Variants in MAMLD1 observed in about 807,000 individuals in gnomAD.
MAMLD1 encodes mastermind-like domain-containing protein 1.
In MAMLD1, 14 loss-of-function variants were observed where a neutral mutation model predicts 45.0. The observed-to-expected ratio is 0.31, with a 90% CI of 0.21 to 0.49. The LOEUF is 0.49. MAMLD1 is among the 20% of genes least tolerant of loss of function. The pLI, the probability that MAMLD1 is intolerant of heterozygous loss-of-function variation, is 0.99. For missense variants in MAMLD1, 543 were observed against 603.6 expected, an observed-to-expected ratio of 0.90 and a Z score of 1.05; for synonymous variants, 254 against 247.8, an observed-to-expected ratio of 1.02 and a Z score of -0.24.
chrX:150,505,027 C>G (rs1819641471), intron 6 of MAMLD1: 1 of 751,036 alleles, frequency 1.3e-6, no homozygotes, highest in Non-Finnish European at 1.6e-6. Flanking sequence ...CCAGACCGGC[C>G]AAGACTGAGG....
intron 5 of MAMLD1, among the ~76,000 whole-genome samples, chrX:150,494,815 T>A (rs1364694467): frequency 9.1e-6 from 1 of 109,888 alleles, no homozygotes; most frequent in Non-Finnish European, 1.9e-5. Flanking sequence ...GCCAGGGAGG[T>A]GGAGGTTTCA....
intron 1 of MAMLD1, among the ~76,000 whole-genome samples, chrX:150,392,719 C>T (rs1557402198): frequency 9.1e-6 from 1 of 110,492 alleles, no homozygotes; most frequent in East Asian, 2.8e-4. Context: ...GTTATTTAGG[C>T]CACCTTTTCC....
At chrX:150,367,627 T>C (rs1557400810) in intron 1 of MAMLD1, among the ~76,000 whole-genome samples, 1 of 111,945 alleles carries the variant, frequency 8.9e-6, no homozygotes, top group African/African-American at 3.3e-5. Context: ...GTTACATATG[T>C]ATACATGTGC....
chrX:150,492,418 G>T (rs1305061527), intron 5 of MAMLD1, among the ~76,000 whole-genome samples: 1 of 112,447 alleles, frequency 8.9e-6, no homozygotes, highest in African/African-American at 3.2e-5. Flanking sequence ...CTTCCCTTTC[G>T]TGAAATTTGC....
At chrX:150,408,263 G>T (rs2034044691) in intron 1 of MAMLD1, among the ~76,000 whole-genome samples, 1 of 111,231 alleles carries the variant, frequency 9.0e-6, no homozygotes, top group South Asian at 3.9e-4. Context: ...CAAAATGATG[G>T]TGAGGCCACC....
At chrX:150,391,905 C>T (rs2033194954) in intron 1 of MAMLD1, among the ~76,000 whole-genome samples, 1 of 111,853 alleles carries the variant, frequency 8.9e-6, no homozygotes, top group Non-Finnish European at 1.9e-5. Flanking sequence ...CATTTTCTTG[C>T]TAGGCCCCAC....
intron 1 of MAMLD1, among the ~76,000 whole-genome samples, chrX:150,384,199 A>C (rs1486703091): frequency 8.9e-6 from 1 of 112,232 alleles, no homozygotes; most frequent in Non-Finnish European, 1.9e-5. Flanking sequence ...AAACTGTTCC[A>C]AAGTAGTTGT....
At position 150,504,913 on chromosome X, in the gene MAMLD1, C is replaced by T. The variant is rs782057670; in HGVS notation, c.2284+1396C>T. The T allele has an allele frequency of 6.3e-5, 47 of 751,222 alleles. No homozygotes were observed. In the African/African-American group the frequency reaches 7.7e-4, roughly 12 times the overall value. The allele number at this position is 751,222 out of a possible 1,213,427, so 61.9% of individuals were successfully genotyped here. ...TGTCAGTCCAGCCTGTGAGTCAGTGCGAGACAGAGGATGCAGGCACCACAG... is the reference window on the plus strand; with the variant it reads ...TGTCAGTCCAGCCTGTGAGTCAGTGTGAGACAGAGGATGCAGGCACCACAG... On this transcript the variant is annotated intron_variant, in intron 6 of 7. Coordinates refer to ENST00000370401, the MANE Select transcript of MAMLD1 (RefSeq NM_005491.5).
intron 1 of MAMLD1, among the ~76,000 whole-genome samples, chrX:150,425,525 A>G (rs782624107): frequency 9.8e-5 from 11 of 112,424 alleles, no homozygotes; most frequent in Middle Eastern, 4.7e-3. Context: ...GCAATGTGTT[A>G]TGCATTGCTA....
chrX:150,428,686 G>A (rs1383236466), intron 1 of MAMLD1, among the ~76,000 whole-genome samples: 1 of 112,176 alleles, frequency 8.9e-6, no homozygotes, highest in Non-Finnish European at 1.9e-5. Context: ...TGTGTCCACA[G>A]GCTAATGTGC....
In MAMLD1 at chrX:150,512,724, G is replaced by C; in HGVS notation, c.*765G>C. The C allele has an allele frequency of 8.7e-7, 1 of 1,154,700 alleles. No homozygotes were observed. The highest frequency in any genetic ancestry group is 1.9e-5 in the South Asian group (1 of 52,555). On this transcript the variant is annotated 3_prime_UTR_variant, in exon 8 of 8. Transcript: ENST00000370401. ...TTTAGTCCCCTGAGCCCCATACAGG[G>C]CATCGAGCCACCAAGCTATGTGGCT...
intron 1 of MAMLD1, among the ~76,000 whole-genome samples, chrX:150,370,281 AG>A (rs1448351767): frequency 9.0e-6 from 1 of 111,641 alleles, no homozygotes; most frequent in Non-Finnish European, 1.9e-5. Flanking sequence ...AGCATTGCAA[AG>A]CTCAATTGGA....
chrX:150,388,866 T>C (rs2033047775), intron 1 of MAMLD1, among the ~76,000 whole-genome samples: 1 of 112,058 alleles, frequency 8.9e-6, no homozygotes, highest in African/African-American at 3.2e-5. Flanking sequence ...TTTGAGTATA[T>C]TTTGCACTTC....
At chrX:150,379,111 CTCTA>C (rs782088623) in intron 1 of MAMLD1, among the ~76,000 whole-genome samples, 18 of 111,553 alleles carry the variant, frequency 1.6e-4, no homozygotes, top group Admixed American at 2.9e-4. Flanking sequence ...ATATCTATTT[CTCTA>C]TCTATCTATC....
At chrX:150,427,166 A>G (rs1398277295) in intron 1 of MAMLD1, among the ~76,000 whole-genome samples, 3 of 112,110 alleles carry the variant, frequency 2.7e-5, no homozygotes, top group Non-Finnish European at 5.6e-5. Context: ...ACCCTACTCC[A>G]GTAAGACTTC....
intron 1 of MAMLD1, among the ~76,000 whole-genome samples, chrX:150,416,938 T>A (rs1032566957): frequency 2.7e-5 from 3 of 112,321 alleles, no homozygotes; most frequent in African/African-American, 9.7e-5. Context: ...TGGAATGTAT[T>A]AAGGAAGACA....
chrX:150,507,348 C>G, intron 6 of MAMLD1, among the ~76,000 whole-genome samples: 1 of 112,624 alleles, frequency 8.9e-6, no homozygotes. Flanking sequence ...CAACTGTTTT[C>G]TTGGGGCTTA....
In MAMLD1 at chrX:150,512,634, G is replaced by A. The variant is rs978335352; in HGVS notation, c.*675G>A. 7.1e-5 allele frequency: 81 copies of A among 1,147,986 alleles called. No individual in the cohort carries two copies. Among genetic ancestry groups the A allele is most frequent in the Non-Finnish European group, 2.3e-5 (20 of 868,760 alleles). 94.6% of individuals were successfully genotyped at this position (1,147,986 alleles called of 1,213,427 possible). A position where few individuals can be genotyped will look rare whatever the true frequency, so the allele number is the denominator to read the frequency against. On this transcript the variant is annotated 3_prime_UTR_variant, in exon 8 of 8. Coordinates refer to ENST00000370401, the MANE Select transcript of MAMLD1 (RefSeq NM_005491.5). ...CTGGGCAGCCAGAGCCTCAGGCAGA[G>A]CCCGGTACAGGGCCCGGTGCCTGTA...
At chrX:150,499,917 C>T (rs2037501238) in intron 5 of MAMLD1, among the ~76,000 whole-genome samples, 2 of 111,832 alleles carry the variant, frequency 1.8e-5, no homozygotes, top group African/African-American at 6.5e-5. Context: ...AGAGTAAAGG[C>T]TCAGTTTATC....
Sources: gnomAD v4.1 joint callset for allele counts (sites outside exome capture counted in the v4.1 genomes callset) on GRCh38, gnomAD v4.1.1 for gene constraint, MANE v1.5 for transcripts, NCBI Gene and HGNC (gene_info 2026-07-23, HGNC 2026-07-21) for gene names.